The following CCDC171 variants were observed in gnomAD, a reference collection of about 807,000 sequenced individuals.
CCDC171 encodes coiled-coil domain-containing protein 171.
In CCDC171, 177 loss-of-function variants were observed where a neutral mutation model predicts 168.2. That is an observed-to-expected ratio of 1.05 (90% CI 0.93 to 1.19). The LOEUF is 1.19. Ranked by LOEUF, CCDC171 falls within the 50% of genes most tolerant of loss-of-function variation. The pLI is 0.00. For synonymous variants in CCDC171, 687 were observed against 540.8 expected, an observed-to-expected ratio of 1.27 and a Z score of -3.75; for missense variants, 1,991 against 1,539.0, an observed-to-expected ratio of 1.29 and a Z score of -4.91.
intron 24 of CCDC171, among the ~76,000 whole-genome samples, chr9:15,913,405 T>G (rs1171151156): frequency 6.6e-6 from 1 of 152,224 alleles, no homozygotes; most frequent in Non-Finnish European, 1.5e-5. Context: ...TGTGTCTATT[T>G]GATTCTTGTC....
At chr9:15,610,404 C>G (rs943126340) in intron 6 of CCDC171, among the ~76,000 whole-genome samples, 2 of 118,432 alleles carry the variant, frequency 1.7e-5, no homozygotes, top group Non-Finnish European at 3.2e-5. Flanking sequence ...ATCAGGAGTT[C>G]AAGACCAGCC....
At chr9:15,653,331 G>A (rs2132850632) in intron 7 of CCDC171, among the ~76,000 whole-genome samples, 1 of 151,544 alleles carries the variant, frequency 6.6e-6, no homozygotes. Context: ...TTGTAGAATT[G>A]GTGCTTCACC....
chr9:15,983,894 C>T (rs1463827984), intron 3 of CCDC171, among the ~76,000 whole-genome samples: 1 of 144,974 alleles, frequency 6.9e-6, no homozygotes, highest in Non-Finnish European at 1.5e-5. Context: ...ATCAATTTTA[C>T]CTCCAACTGC....
intron 24 of CCDC171, among the ~76,000 whole-genome samples, chr9:15,918,650 A>G (rs1250733755): frequency 6.6e-6 from 1 of 150,804 alleles, no homozygotes; most frequent in Non-Finnish European, 1.5e-5. Flanking sequence ...AGGATATGTC[A>G]GATATTCCCA....
At chr9:16,026,513 C>T (rs1378172676) in intron 6 of CCDC171, among the ~76,000 whole-genome samples, 1 of 152,062 alleles carries the variant, frequency 6.6e-6, no homozygotes, top group Non-Finnish European at 1.5e-5. Flanking sequence ...CCCCTTTATC[C>T]AGTGGGTAAT....
At chr9:15,739,058 G>C (rs570365697) in intron 16 of CCDC171, among the ~76,000 whole-genome samples, 15 of 152,274 alleles carry the variant, frequency 9.9e-5, no homozygotes, top group African/African-American at 3.4e-4. Flanking sequence ...ATTTGAGGGA[G>C]AGTAGATATA....
downstream of CCDC171, among the ~76,000 whole-genome samples, chr9:15,976,962 G>A (rs559290834): frequency 1.2e-4 from 18 of 152,132 alleles, no homozygotes; most frequent in South Asian, 4.1e-4. Flanking sequence ...AACCTAGAGC[G>A]TTAAATATTG....
At chr9:15,852,552 A>AT in intron 23 of CCDC171, among the ~76,000 whole-genome samples, 1 of 151,708 alleles carries the variant, frequency 6.6e-6, no homozygotes, top group African/African-American at 2.4e-5. Context: ...TTCTATTTAA[A>AT]TAGTGTCCTT....
Position 15,971,753 on chromosome 9 carries a change from G to C in CCDC171, c.3898G>C (p.Val1300Leu), listed in dbSNP as rs762443954. Residue 1300 changes from valine to leucine, a missense_variant, in exon 26 of 26, where the codon GTG becomes CTG. Val to Leu is a conservative substitution (Grantham distance 32, BLOSUM62 1). Coordinates refer to ENST00000380701, the MANE Select transcript of CCDC171 (RefSeq NM_173550.4). ...CTTAAAGGAGACATTTATAAATACT[G>C]TGCCCCATGCTCTGACATCATCTCA... is the stretch of plus-strand genomic sequence containing the variant. ...TFLKETFINT[V>L]PHALTSSHSS... 1 of 1,613,900 alleles carries C rather than the reference G, an allele frequency of 6.2e-7. No homozygotes were observed. The highest frequency in any genetic ancestry group is 8.5e-7 in the Non-Finnish European group (1 of 1,179,884).
intron 2 of CCDC171, among the ~76,000 whole-genome samples, chr9:15,570,425 T>C (rs569426159): frequency 3.9e-5 from 6 of 152,168 alleles, no homozygotes; most frequent in Non-Finnish European, 7.3e-5. Context: ...TCTTTCTGCA[T>C]AGTCTTTCAA....
At chr9:15,739,647 A>G (rs1350931897) in intron 16 of CCDC171, among the ~76,000 whole-genome samples, 1 of 152,242 alleles carries the variant, frequency 6.6e-6, no homozygotes, top group Non-Finnish European at 1.5e-5. Flanking sequence ...CTATTAAAAT[A>G]GAGAAATAAT....
chr9:15,559,993 C>T (rs1357431727), intron 1 of CCDC171, among the ~76,000 whole-genome samples: 1 of 152,102 alleles, frequency 6.6e-6, no homozygotes, highest in Non-Finnish European at 1.5e-5. Flanking sequence ...ACTTATGAAG[C>T]TTAGTTTGGC....
At chr9:15,894,783 A>C (rs1184913) in intron 24 of CCDC171, among the ~76,000 whole-genome samples, 130,460 of 152,038 alleles carry the variant, frequency 0.86, 56,021 homozygotes, top group East Asian at 0.96. Context: ...CTCATTGAAG[A>C]CTTCTCTCAT....
At chr9:15,768,806 A>T (rs1032174012) in intron 18 of CCDC171, among the ~76,000 whole-genome samples, 4 of 152,190 alleles carry the variant, frequency 2.6e-5, no homozygotes, top group Admixed American at 6.5e-5. Context: ...TCATGGGGTT[A>T]TAATGATGGT....
chr9:15,910,565 A>G (rs910140820), intron 24 of CCDC171, among the ~76,000 whole-genome samples: 5 of 151,830 alleles, frequency 3.3e-5, no homozygotes, highest in African/African-American at 9.7e-5. Context: ...TTTTTAATAT[A>G]CTTTAAGTTC....
At chr9:15,590,775 T>TTCTG (rs1554693047) in intron 4 of CCDC171, among the ~76,000 whole-genome samples, 1 of 84,790 alleles carries the variant, frequency 1.2e-5, no homozygotes, top group Non-Finnish European at 2.5e-5. Flanking sequence ...TTCTTTCTCT[T>TTCTG]TCTTTCTTTC....
intron 25 of CCDC171, among the ~76,000 whole-genome samples, chr9:15,924,600 C>T (rs1356781866): frequency 6.6e-6 from 1 of 151,550 alleles, no homozygotes; most frequent in African/African-American, 2.4e-5. Context: ...CATGTAACTC[C>T]TCTTCTTTGA....
chr9:16,031,005 A>T (rs1400527405), intron 6 of CCDC171, among the ~76,000 whole-genome samples: 1 of 152,224 alleles, frequency 6.6e-6, no homozygotes, highest in Non-Finnish European at 1.5e-5. Context: ...AAGAAGAGCC[A>T]AGTCGAGTCT....
At chr9:15,907,998 G>A (rs1294010356) in intron 24 of CCDC171, among the ~76,000 whole-genome samples, 2 of 151,840 alleles carry the variant, frequency 1.3e-5, no homozygotes, top group Non-Finnish European at 2.9e-5. Context: ...TAAAAAGTCA[G>A]GAAACAACAG....
Sources: gnomAD v4.1 joint callset for allele counts (sites outside exome capture counted in the v4.1 genomes callset) on GRCh38, gnomAD v4.1.1 for gene constraint, MANE v1.5 for transcripts, NCBI Gene and HGNC (gene_info 2026-07-23, HGNC 2026-07-21) for gene names.